The following GBF1 variants were observed in gnomAD, a reference collection of about 807,000 sequenced individuals.
GBF1 encodes the protein Golgi-specific brefeldin A-resistance guanine nucleotide exchange factor 1.
In GBF1, 114 loss-of-function variants were observed where a neutral mutation model predicts 210.5. The ratio of observed to expected loss-of-function variants is 0.54; its 90% CI spans 0.47 to 0.63. GBF1 has a LOEUF of 0.63. Ranked by LOEUF, GBF1 falls within the 30% of genes least tolerant of loss-of-function variation. The pLI, the probability that GBF1 is intolerant of heterozygous loss-of-function variation, is 0.00. For missense variants in GBF1, 1,851 were observed against 2,357.7 expected (o/e 0.79, Z 4.45); for synonymous variants, 850 against 889.2 (o/e 0.96, Z 0.78).
intron 3 of GBF1, among the ~76,000 whole-genome samples, chr10:102,288,482 C>A (rs1200993884): frequency 6.6e-6 from 1 of 152,022 alleles, no homozygotes; most frequent in East Asian, 1.9e-4. Context: ...GAGGCCGAGG[C>A]GGGCGGATCA....
chr10:102,250,080 G>A (rs1401606554), intron 1 of GBF1, among the ~76,000 whole-genome samples: 1 of 98,962 alleles, frequency 1.0e-5, no homozygotes. Context: ...TACCTTTTCA[G>A]AAAGTCCATC....
At chr10:102,260,965 G>GT (rs1459931393) in intron 3 of GBF1, among the ~76,000 whole-genome samples, 1 of 152,032 alleles carries the variant, frequency 6.6e-6, no homozygotes, top group Non-Finnish European at 1.5e-5. Flanking sequence ...ATATTCATAT[G>GT]TTTAGAATTT....
chr10:102,269,248 C>T (rs1316896758), intron 3 of GBF1, among the ~76,000 whole-genome samples: 2 of 152,170 alleles, frequency 1.3e-5, no homozygotes, highest in African/African-American at 2.4e-5. Flanking sequence ...ATTACTTGCC[C>T]GTTTGTGGAA....
chr10:102,358,441 T>A lies in GBF1; in HGVS notation c.788-65T>A, dbSNP rs2059411581. The A allele has an allele frequency of 1.6e-5, 18 of 1,130,240 alleles. No homozygotes were observed. The South Asian group carries it at 2.2e-4, about 14-fold the overall frequency. 70.0% of individuals were successfully genotyped at this position (1,130,240 alleles called of 1,614,324 possible). A position where few individuals can be genotyped will look rare whatever the true frequency, so the allele number is the denominator to read the frequency against. On this transcript the variant is annotated intron_variant, in intron 9 of 39. Coordinates refer to ENST00000369983, the MANE Select transcript of GBF1 (RefSeq NM_001377137.1). ...CTGGGAAACAGAGACCCTAGTACCA[T>A]AGAGGGTTTGTTTTGCCCACAGCCT...
At chr10:102,330,163 CT>C (rs2134303469) in intron 3 of GBF1, among the ~76,000 whole-genome samples, 1 of 152,128 alleles carries the variant, frequency 6.6e-6, no homozygotes, top group South Asian at 2.1e-4. Flanking sequence ...AAAAAGCCCC[CT>C]GTACCATAGC....
At chr10:102,343,664 C>T (rs907482748) in intron 3 of GBF1, among the ~76,000 whole-genome samples, 1 of 151,798 alleles carries the variant, frequency 6.6e-6, no homozygotes, top group African/African-American at 2.4e-5. Context: ...ACTAAAAATA[C>T]AAAATTAGCC....
chr10:102,277,420 C>T (rs1370980957), intron 3 of GBF1, among the ~76,000 whole-genome samples: 1 of 147,724 alleles, frequency 6.8e-6, no homozygotes, highest in Non-Finnish European at 1.5e-5. Flanking sequence ...CAGACAGTCT[C>T]GCTCTGTCAC....
intron 2 of GBF1, 133 bp downstream of exon 2, chr10:102,259,167 T>C: frequency 4.9e-6 from 3 of 613,968 alleles, no homozygotes; most frequent in Non-Finnish European, 8.9e-6. Context: ...GATATCTTGT[T>C]TTTTTGTATC....
intron 3 of GBF1, among the ~76,000 whole-genome samples, chr10:102,293,109 C>G (rs532778539): frequency 6.6e-6 from 1 of 152,120 alleles, no homozygotes; most frequent in Non-Finnish European, 1.5e-5. Context: ...ACTGCAGTGT[C>G]TCTATATTAA....
At chr10:102,257,673 A>G (rs909620848) in intron 1 of GBF1, among the ~76,000 whole-genome samples, 1 of 152,154 alleles carries the variant, frequency 6.6e-6, no homozygotes, top group Admixed American at 6.6e-5. Context: ...TATGCTTCCA[A>G]CAACCTTTAT....
intron 3 of GBF1, among the ~76,000 whole-genome samples, chr10:102,339,448 C>T (rs2058019182): frequency 6.6e-6 from 1 of 151,568 alleles, no homozygotes; most frequent in Non-Finnish European, 1.5e-5. Context: ...GGACAGATCA[C>T]AGGGTCAAGA....
chr10:102,349,165 GA>G lies in GBF1; in HGVS notation c.296-2081del, dbSNP rs545758773. On this transcript the variant is annotated intron_variant, in intron 4 of 39. Transcript: ENST00000369983. ...CCCTGTCTATTTAAAAACAAAAAAAGAAAAAAAAAAGTTTAGGTTCTCAGCC... is the reference window on the plus strand; with the variant it reads ...CCCTGTCTATTTAAAAACAAAAAAAGAAAAAAAAAGTTTAGGTTCTCAGCC... Among the ~76,000 whole-genome samples, 928 of 148,248 alleles carry G rather than the reference GA, an allele frequency of 6.3e-3. 9 individuals are homozygous for G. The highest frequency in any genetic ancestry group is 0.022 in the Admixed American group (328 of 14,908).
chr10:102,240,134 A>G, the GBF1 span, among the ~76,000 whole-genome samples: 1 of 152,076 alleles, frequency 6.6e-6, no homozygotes, highest in Non-Finnish European at 1.5e-5. Flanking sequence ...GTCGCCTGAT[A>G]CTCCAGCAAG....
intron 17 of GBF1, among the ~76,000 whole-genome samples, chr10:102,364,279 C>T (rs1270917736): frequency 8.2e-6 from 1 of 121,724 alleles, no homozygotes; most frequent in Non-Finnish European, 1.6e-5. Flanking sequence ...GGCTGGAGTG[C>T]AGTGGCATGA....
chr10:102,276,721 A>G (rs2075016976), intron 3 of GBF1, among the ~76,000 whole-genome samples: 1 of 152,026 alleles, frequency 6.6e-6, no homozygotes, highest in African/African-American at 2.4e-5. Context: ...AAGGTAGAGA[A>G]TGGGAAATAT....
chr10:102,332,498 C>T (rs1200737541), intron 3 of GBF1, among the ~76,000 whole-genome samples: 1 of 152,026 alleles, frequency 6.6e-6, no homozygotes, highest in Non-Finnish European at 1.5e-5. Context: ...ATTCTCGTGC[C>T]TCAGCTACCA....
Position 102,258,968 on chromosome 10 carries a change from AG to A in GBF1, c.34del (p.Glu12ArgfsTer35). The stretch of plus-strand genomic sequence containing the variant: ...TGGATAAGAATATTTACATCATTCA[AG>A]GGGAGATTAACATTGTGGTTGGGGC... MVDKNIYIIQ[G>X]EINIVVGAIK... On this transcript the variant is annotated frameshift_variant, in exon 2 of 40. Coordinates refer to ENST00000369983, the MANE Select transcript of GBF1 (RefSeq NM_001377137.1). LOFTEE classifies it high-confidence loss of function. 6.2e-7 allele frequency: 1 copy of A among 1,604,756 alleles called. No homozygotes were observed. Among genetic ancestry groups the A allele is most frequent in the Non-Finnish European group, 8.5e-7 (1 of 1,171,512 alleles).
intron 3 of GBF1, among the ~76,000 whole-genome samples, chr10:102,334,892 G>A (rs1049399691): frequency 6.6e-6 from 1 of 151,850 alleles, no homozygotes. Flanking sequence ...TTTTGGAGAG[G>A]TCACCTCATC....
At chr10:102,343,470 T>TAA (rs1250247562) in intron 3 of GBF1, among the ~76,000 whole-genome samples, 1 of 152,176 alleles carries the variant, frequency 6.6e-6, no homozygotes, top group Non-Finnish European at 1.5e-5. Flanking sequence ...AAAATTGTGA[T>TAA]AAAATACATA....
Sources: gnomAD v4.1 joint callset for allele counts (sites outside exome capture counted in the v4.1 genomes callset) on GRCh38, gnomAD v4.1.1 for gene constraint, MANE v1.5 for transcripts, NCBI Gene and HGNC (gene_info 2026-07-23, HGNC 2026-07-21) for gene names.